Variants in ANO7 observed in about 807,000 individuals in gnomAD.
The protein encoded by ANO7 is anoctamin 7.
A neutral mutation model predicts 115.8 loss-of-function variants in ANO7; 114 were observed. That is an observed-to-expected ratio of 0.98 (90% CI 0.85 to 1.15). The LOEUF (loss-of-function observed/expected upper bound fraction) is 1.15. ANO7 is among the 50% of genes most tolerant of loss of function. The probability of loss-of-function intolerance (pLI) is 0.00; values close to 1 mark genes in which losing one functional copy is unlikely to be tolerated. For synonymous variants in ANO7, 550 were observed against 498.2 expected (o/e 1.10, Z -1.38); for missense variants, 1,302 against 1,201.2 (o/e 1.08, Z -1.24).
chr2:241,230,647 G>A (rs1007407574), downstream of ANO7: 8 of 903,830 alleles, frequency 8.9e-6, no homozygotes, highest in African/African-American at 1.2e-4. The surrounding 1 kb of genome is among the most constrained non-coding windows in gnomAD (Gnocchi z 5.0). Context: ...CCAGCCCTGG[G>A]GTTGTGGCCT....
the ANO7 span, chr2:241,239,633 T>C: frequency 6.2e-7 from 1 of 1,614,236 alleles, no homozygotes; most frequent in Non-Finnish European, 8.5e-7. The surrounding 1 kb of genome is among the most constrained non-coding windows in gnomAD (Gnocchi z 4.6). Context: ...AATGCGTTTC[T>C]TGGCTGCCTC....
the ANO7 span, among the ~76,000 whole-genome samples, chr2:241,237,719 G>GA: frequency 3.3e-5 from 4 of 122,444 alleles, no homozygotes; most frequent in Non-Finnish European, 5.2e-5. Flanking sequence ...ATGACATTCA[G>GA]AAAAAAAACG....
At chr2:241,218,474 G>C in intron 21 of ANO7, 93 bp downstream of exon 21, 1 of 1,160,744 alleles carries the variant, frequency 8.6e-7, no homozygotes, top group South Asian at 3.6e-5. Context: ...GTGGGGAGCC[G>C]GGAGGGGCGG....
chr2:241,191,371 T>C (rs1014455770), intron 3 of ANO7, 120 bp downstream of exon 3: 1 of 1,277,012 alleles, frequency 7.8e-7, no homozygotes, highest in Non-Finnish European at 1.1e-6. Flanking sequence ...CTGGGGCCAG[T>C]TGCTTGGGGA....
chr2:241,239,158 A>G, the ANO7 span, among the ~76,000 whole-genome samples: 1 of 152,162 alleles, frequency 6.6e-6, no homozygotes, highest in Non-Finnish European at 1.5e-5. This position sits in a 1 kb window ranked among gnomAD's most constrained non-coding sequence, Gnocchi z 4.6. Flanking sequence ...GACACTCTCT[A>G]AAGACTGCTT....
At position 241,209,582 on chromosome 2, in the gene ANO7, G is replaced by A. The variant is rs370163261; in HGVS notation, c.1306G>A (p.Glu436Lys). Residue 436 changes from glutamate (E) to lysine (K), a missense_variant, in exon 13 of 25, where the codon GAG becomes AAG. Glu to Lys is a moderately conservative substitution (Grantham distance 56). Transcript: ENST00000674324. ...ITGEDEPYFP[E>K]RSRARRMLAG... Reference sequence around the variant, plus strand: ...GGGTGAGGACGAGCCCTACTTCCCTGAGAGGAGCCGCGCGCGCCGCATGCT... The same window carrying A: ...GGGTGAGGACGAGCCCTACTTCCCTAAGAGGAGCCGCGCGCGCCGCATGCT... 6.2e-7 allele frequency: 1 copy of A among 1,603,318 alleles called. No individual in the cohort carries two copies. The highest frequency in any genetic ancestry group is 1.1e-5 in the South Asian group (1 of 90,046).
intron 21 of ANO7, among the ~76,000 whole-genome samples, chr2:241,219,202 G>A (rs1399207040): frequency 6.6e-6 from 1 of 152,160 alleles, no homozygotes; most frequent in Non-Finnish European, 1.5e-5. Flanking sequence ...ATGAAGTTTT[G>A]CATGTGTTTC....
intron 15 of ANO7, among the ~76,000 whole-genome samples, chr2:241,210,797 A>G (rs532399279): frequency 6.7e-6 from 1 of 149,102 alleles, no homozygotes; most frequent in African/African-American, 2.6e-5. Context: ...CTCCTGCCTC[A>G]GCCTCCTCAG....
At chr2:241,235,519 C>T in the ANO7 span, 1 of 1,614,150 alleles carries the variant, frequency 6.2e-7, no homozygotes, top group Non-Finnish European at 8.5e-7. Flanking sequence ...TTGCGGATCC[C>T]ACTTCCTTTC....
chr2:241,222,232 TCATA>T (rs1391790423), intron 21 of ANO7, among the ~76,000 whole-genome samples: 2 of 110,158 alleles, frequency 1.8e-5, no homozygotes, highest in Admixed American at 1.1e-4. Flanking sequence ...AGACTCTGTC[TCATA>T]AATAAATAAA....
chr2:241,212,822 C>T, intron 17 of ANO7, 196 bp downstream of exon 17: 1 of 591,086 alleles, frequency 1.7e-6, no homozygotes, highest in Non-Finnish European at 3.0e-6. Context: ...CCCGATATGC[C>T]CCATTCAGAA....
rs1295751253 is a variant in ANO7, at chr2:241,217,892, G to T, written c.2178+1G>T. 7.1e-6 allele frequency: 11 copies of T among 1,559,032 alleles called. No homozygotes were observed. The highest frequency in any genetic ancestry group is 8.6e-6 in the Non-Finnish European group (10 of 1,158,702). ...CACGCACCTGGCGGTCATCAGCAAC[G>T]TGAGGCCCGGGCGGGAGCGCGGGGC... On this transcript the variant is annotated splice_donor_variant, in intron 20 of 24. Coordinates refer to ENST00000674324, the MANE Select transcript of ANO7 (RefSeq NM_001370694.2). LOFTEE classifies it high-confidence loss of function.
chr2:241,195,262 G>C (rs930856703), intron 3 of ANO7, among the ~76,000 whole-genome samples: 3 of 152,192 alleles, frequency 2.0e-5, no homozygotes, highest in Non-Finnish European at 4.4e-5. Flanking sequence ...TATCTGGAGC[G>C]CCTGAGCCCA....
At chr2:241,237,512 G>A in the ANO7 span, among the ~76,000 whole-genome samples, 3 of 152,310 alleles carry the variant, frequency 2.0e-5, no homozygotes, top group South Asian at 6.2e-4. Flanking sequence ...ACGCCTGCCT[G>A]AAATCAAGGG....
At chr2:241,209,109 A>C (rs972879330) in intron 11 of ANO7, among the ~76,000 whole-genome samples, 176 bp from the exon 12 acceptor site, 3 of 152,230 alleles carry the variant, frequency 2.0e-5, no homozygotes, top group Non-Finnish European at 2.9e-5. Flanking sequence ...AGATCGCGCC[A>C]CTGCACTCCA....
At position 241,212,780 on chromosome 2, in the gene ANO7, C is replaced by T; in HGVS notation, c.1728+154C>T. 4.0e-6 allele frequency: 3 copies of T among 753,374 alleles called. No individual in the cohort carries two copies. The South Asian group carries it at 5.4e-5, about 13-fold the overall frequency. 46.7% of individuals were successfully genotyped at this position (753,374 alleles called of 1,614,324 possible). On this transcript the variant is annotated intron_variant, in intron 17 of 24. Transcript: ENST00000674324. ...CAGCTGTGCAGCTGACCACTCAGGG[C>T]TCCCAGCCTCTCTTCACCACTTATT... is the stretch of plus-strand genomic sequence containing the variant.
intron 4 of ANO7, among the ~76,000 whole-genome samples, chr2:241,197,927 A>C (rs945127108): frequency 5.3e-5 from 8 of 152,190 alleles, no homozygotes; most frequent in Non-Finnish European, 7.3e-5. Context: ...CCGGGATCAC[A>C]GGCATGAGCC....
At chr2:241,207,723 G>A in intron 11 of ANO7, 53 bp downstream of exon 11, 1 of 1,543,374 alleles carries the variant, frequency 6.5e-7, no homozygotes, top group African/African-American at 1.4e-5. Context: ...GATGAGGAGG[G>A]CAGCTCCCCT....
chr2:241,202,392 C>T, intron 8 of ANO7, 88 bp downstream of exon 8: 2 of 1,222,976 alleles, frequency 1.6e-6, no homozygotes, highest in South Asian at 1.2e-5. Context: ...GGGTGTGGGG[C>T]AGGCATGGTC....
Sources: gnomAD v4.1 joint callset for allele counts (sites outside exome capture counted in the v4.1 genomes callset) on GRCh38, gnomAD v4.1.1 for gene constraint, Gnocchi (gnomAD v3.1) non-coding constraint, MANE v1.5 for transcripts, NCBI Gene and HGNC (gene_info 2026-07-23, HGNC 2026-07-21) for gene names.